Variants in COQ3 observed in about 807,000 individuals in gnomAD.
The protein encoded by COQ3 is coenzyme Q3, methyltransferase, also known as ubiquinone biosynthesis O-methyltransferase, mitochondrial.
In COQ3, 29 loss-of-function variants were observed where a neutral mutation model predicts 33.1. The ratio of observed to expected loss-of-function variants is 0.88; its 90% CI spans 0.65 to 1.19. COQ3 has a LOEUF of 1.19. Among genes scored for constraint, COQ3 ranks in the 50% most tolerant of loss-of-function variants. The probability of loss-of-function intolerance (pLI) is 0.00; values close to 1 mark genes in which losing one functional copy is unlikely to be tolerated. For synonymous variants in COQ3, 173 were observed against 157.8 expected, an observed-to-expected ratio of 1.10 and a Z score of -0.72; for missense variants, 437 against 430.7, an observed-to-expected ratio of 1.01 and a Z score of -0.13.
intron 1 of COQ3, among the ~76,000 whole-genome samples, chr6:99,385,981 AAAAAAAAAAAAAGAAAAG>A (rs1774639268): frequency 7.2e-6 from 1 of 137,984 alleles, no homozygotes; most frequent in Non-Finnish European, 1.6e-5. Flanking sequence ...TGTCTCAAAA[AAAAAAAAAAAAAGAAAAG>A]AAAAAAGAAA....
chr6:99,380,454 G>T, intron 2 of COQ3, 113 bp from the exon 3 acceptor site: 1 of 1,125,958 alleles, frequency 8.9e-7, no homozygotes, highest in Non-Finnish European at 1.3e-6. Flanking sequence ...TTCTAAATCT[G>T]TATACTGCTC....
chr6:99,375,683 C>A (rs1774262014), intron 5 of COQ3, among the ~76,000 whole-genome samples: 1 of 152,118 alleles, frequency 6.6e-6, no homozygotes, highest in African/African-American at 2.4e-5. Flanking sequence ...CCATATCCAG[C>A]CAGCACCAGC....
At chr6:99,381,112 C>T (rs951043865) in intron 2 of COQ3, among the ~76,000 whole-genome samples, 3 of 152,040 alleles carry the variant, frequency 2.0e-5, no homozygotes, top group Non-Finnish European at 2.9e-5. Context: ...GATTTGAGCA[C>T]AGGTGCCTCC....
intron 1 of COQ3, among the ~76,000 whole-genome samples, chr6:99,393,775 A>C (rs899113023): frequency 2.0e-5 from 3 of 152,226 alleles, no homozygotes; most frequent in African/African-American, 7.2e-5. Flanking sequence ...TGACCTTCAG[A>C]CTGCAGCACA....
chr6:99,390,220 T>C (rs1774783611), intron 1 of COQ3, among the ~76,000 whole-genome samples: 1 of 152,256 alleles, frequency 6.6e-6, no homozygotes, highest in Non-Finnish European at 1.5e-5. Context: ...GTACGTGCAT[T>C]TGTAAATCTG....
chr6:99,381,964 A>G (rs1284063107), intron 2 of COQ3, among the ~76,000 whole-genome samples: 1 of 151,830 alleles, frequency 6.6e-6, no homozygotes. Context: ...GATCCTCAAA[A>G]CTGGGTCATG....
At chr6:99,377,278 T>C in intron 4 of COQ3, 108 bp downstream of exon 4, 1 of 933,574 alleles carries the variant, frequency 1.1e-6, no homozygotes. Flanking sequence ...CCAACATGCA[T>C]TTCTTTTTTT....
At chr6:99,384,541 A>G (rs1774561798) in intron 1 of COQ3, among the ~76,000 whole-genome samples, 1 of 152,240 alleles carries the variant, frequency 6.6e-6, no homozygotes, top group Admixed American at 6.5e-5. Context: ...CATATTAGCT[A>G]CATGAAATGA....
chr6:99,369,756 C>G lies in COQ3; in HGVS notation c.954G>C (p.Trp318Cys). 1 of 1,613,570 alleles carries G rather than the reference C, an allele frequency of 6.2e-7. No individual in the cohort carries two copies. Among genetic ancestry groups the G allele is most frequent in the Non-Finnish European group, 8.5e-7 (1 of 1,179,688 alleles). ...LYNPFSGYWH[W>C]SENTSLNYAA... Reference sequence around the variant, plus strand: ...CATAGTTAAGGCTGGTATTTTCACTCCAATGCCAGTAACCTGAGAAGGGGT... The same window carrying G: ...CATAGTTAAGGCTGGTATTTTCACTGCAATGCCAGTAACCTGAGAAGGGGT... Residue 318 changes from tryptophan (W) to cysteine (C), a missense_variant, in exon 7 of 7, where the codon TGG becomes TGC. Transcript: ENST00000254759.
At chr6:99,389,626 T>A (rs1774767687) in intron 1 of COQ3, among the ~76,000 whole-genome samples, 1 of 152,212 alleles carries the variant, frequency 6.6e-6, no homozygotes. Context: ...TATGCAATCA[T>A]TTTAAAGTAT....
intron 3 of COQ3, among the ~76,000 whole-genome samples, chr6:99,379,424 T>C (rs1774404617): frequency 6.6e-6 from 1 of 152,202 alleles, no homozygotes; most frequent in Non-Finnish European, 1.5e-5. Flanking sequence ...AGCACAAAGA[T>C]TATGTTTCAT....
intron 1 of COQ3, among the ~76,000 whole-genome samples, chr6:99,391,347 A>T (rs1016868169): frequency 2.0e-5 from 3 of 150,890 alleles, no homozygotes; most frequent in Admixed American, 6.6e-5. Flanking sequence ...CAAGCGATCC[A>T]CCTGCCTCGA....
chr6:99,375,056 GC>G (rs968486599), intron 5 of COQ3, among the ~76,000 whole-genome samples: 215 of 144,314 alleles, frequency 1.5e-3, no homozygotes, highest in African/African-American at 5.3e-3. Context: ...TGCAACCTCT[GC>G]CTCCCGGGTT....
At chr6:99,370,087 C>T (rs1774085198) in intron 6 of COQ3, among the ~76,000 whole-genome samples, 1 of 152,128 alleles carries the variant, frequency 6.6e-6, no homozygotes, top group African/African-American at 2.4e-5. Context: ...GCTTGGGTAC[C>T]TATTACATGG....
intron 3 of COQ3, 51 bp from the exon 4 acceptor site, chr6:99,377,536 C>T (rs752367601): frequency 4.9e-5 from 64 of 1,318,810 alleles, no homozygotes; most frequent in South Asian, 3.0e-4. Flanking sequence ...ATTTTATCAA[C>T]GAAAAGTCAC....
intron 5 of COQ3, among the ~76,000 whole-genome samples, chr6:99,375,047 G>A (rs1774245621): frequency 6.9e-6 from 1 of 144,532 alleles, no homozygotes; most frequent in Non-Finnish European, 1.5e-5. Context: ...TCGGCTCACT[G>A]CAACCTCTGC....
At chr6:99,371,055 G>A (rs1774129253) in intron 6 of COQ3, among the ~76,000 whole-genome samples, 1 of 152,140 alleles carries the variant, frequency 6.6e-6, no homozygotes, top group Admixed American at 6.5e-5. Flanking sequence ...ATGTAACTGT[G>A]GTGGAATCAG....
chr6:99,372,882 A>T (rs937336145), intron 5 of COQ3, among the ~76,000 whole-genome samples: 2 of 152,232 alleles, frequency 1.3e-5, no homozygotes, highest in African/African-American at 2.4e-5. Flanking sequence ...AGACATATAG[A>T]AAGAAAGCGA....
At chr6:99,380,987 A>C (rs1562206233) in intron 2 of COQ3, among the ~76,000 whole-genome samples, 1 of 152,182 alleles carries the variant, frequency 6.6e-6, no homozygotes, top group Non-Finnish European at 1.5e-5. Context: ...AGAGCTCCAC[A>C]TATATTACCT....
Sources: allele counts gnomAD v4.1 joint callset (sites outside exome capture counted in the v4.1 genomes callset), GRCh38; gene constraint gnomAD v4.1.1; transcripts MANE v1.5; gene names NCBI Gene and HGNC (gene_info 2026-07-23, HGNC 2026-07-21).